Variants in ZNF438 observed in about 807,000 individuals in gnomAD.
ZNF438 encodes zinc finger protein 438.
In ZNF438, 25 loss-of-function variants were observed where a neutral mutation model predicts 38.0. The observed-to-expected ratio is 0.66, with a 90% CI of 0.48 to 0.92. The LOEUF (loss-of-function observed/expected upper bound fraction) is 0.92, where lower values mean the gene tolerates loss of function less well. ZNF438 is among the 40% of genes least tolerant of loss of function. The pLI is 0.00. For synonymous variants in ZNF438, 372 were observed against 364.1 expected (o/e 1.02, Z -0.25); for missense variants, 1,007 against 999.6 (o/e 1.01, Z -0.10).
chr10:30,963,119 G>A (rs532615379), intron 1 of ZNF438, among the ~76,000 whole-genome samples: 6 of 152,150 alleles, frequency 3.9e-5, no homozygotes, highest in Admixed American at 6.5e-5. Flanking sequence ...GAGGTTGGCC[G>A]GGCACAGTGG....
intron 1 of ZNF438, among the ~76,000 whole-genome samples, chr10:30,971,745 T>C (rs1472311164): frequency 6.6e-6 from 1 of 152,182 alleles, no homozygotes; most frequent in Non-Finnish European, 1.5e-5. Flanking sequence ...TAATCTTCTT[T>C]ATGATATTCC....
At chr10:30,983,134 A>G (rs1404102646) in intron 1 of ZNF438, among the ~76,000 whole-genome samples, 2 of 152,240 alleles carry the variant, frequency 1.3e-5, no homozygotes, top group African/African-American at 4.8e-5. Flanking sequence ...GGAATAACAG[A>G]AAAAGTTACA....
At chr10:30,996,826 G>T (rs1329878609) in intron 1 of ZNF438, among the ~76,000 whole-genome samples, 1 of 152,060 alleles carries the variant, frequency 6.6e-6, no homozygotes, top group African/African-American at 2.4e-5. Flanking sequence ...AATTTAAAGA[G>T]ATTAATCACA....
At chr10:30,882,191 A>G (rs543996287) in intron 3 of ZNF438, among the ~76,000 whole-genome samples, 133 of 152,308 alleles carry the variant, frequency 8.7e-4, no homozygotes, top group Non-Finnish European at 1.6e-3. Flanking sequence ...AAAACTCTCA[A>G]AACTAAATAA....
chr10:30,903,213 C>T (rs534246249), intron 3 of ZNF438, among the ~76,000 whole-genome samples: 1 of 152,344 alleles, frequency 6.6e-6, no homozygotes, highest in East Asian at 1.9e-4. Flanking sequence ...AGGGAGCCGG[C>T]TCCGGACTCA....
At chr10:30,980,741 A>G (rs991331242) in intron 1 of ZNF438, among the ~76,000 whole-genome samples, 50 of 151,144 alleles carry the variant, frequency 3.3e-4, no homozygotes, top group African/African-American at 1.0e-3. Flanking sequence ...AAATAAATAC[A>G]GAAGGCTAAG....
In ZNF438 at chr10:30,915,382, A is replaced by C. The variant is rs952829954; in HGVS notation, c.-114-6367T>G. Among the ~76,000 whole-genome samples, 6 of 152,068 alleles carry C rather than the reference A, an allele frequency of 3.9e-5. No homozygotes were observed. The East Asian group carries it at 1.2e-3, about 29-fold the overall frequency. ...ATAAATGAAGCAATAAGGCTTTGGA[A>C]TTGCAATTGTGTATATTTAGGTACT... On this transcript the variant is annotated intron_variant, in intron 2 of 5. Coordinates refer to ENST00000413025, the Ensembl canonical transcript of ZNF438.
chr10:30,998,283 G>A (rs2132715771), intron 1 of ZNF438, among the ~76,000 whole-genome samples: 1 of 152,142 alleles, frequency 6.6e-6, no homozygotes, highest in Admixed American at 6.5e-5. Context: ...GCTCATGCCT[G>A]TAATCCTAGC....
At chr10:30,896,627 A>ATCG (rs1460432919) in intron 3 of ZNF438, among the ~76,000 whole-genome samples, 1 of 152,076 alleles carries the variant, frequency 6.6e-6, no homozygotes, top group Non-Finnish European at 1.5e-5. Flanking sequence ...AGACAGCAGA[A>ATCG]TAGTGGTTTC....
In ZNF438 at chr10:30,960,885, T is replaced by A. The variant is rs111341102; in HGVS notation, c.-191-19234A>T. Among the ~76,000 whole-genome samples the A allele has an allele frequency of 7.1e-3, 1,037 of 146,734 alleles. 134 individuals carry two copies. Among genetic ancestry groups the A allele is most frequent in the Non-Finnish European group, 0.012 (806 of 64,662 alleles). ...TTTTAAGATTTCAACCATTAACGTA[T>A]TCCCCTAGGATTGACTGTAAAATTA... On this transcript the variant is annotated intron_variant, in intron 1 of 5. Coordinates refer to ENST00000413025, the Ensembl canonical transcript of ZNF438.
chr10:31,020,827 C>T (rs1209148598), intron 1 of ZNF438, among the ~76,000 whole-genome samples: 1 of 151,450 alleles, frequency 6.6e-6, no homozygotes, highest in Non-Finnish European at 1.5e-5. Flanking sequence ...TCACACTAGG[C>T]TAAGATTAAC....
intron 1 of ZNF438, among the ~76,000 whole-genome samples, chr10:31,002,123 T>C (rs146886545): frequency 6.8e-4 from 103 of 152,316 alleles, no homozygotes; most frequent in Non-Finnish European, 1.2e-3. Flanking sequence ...ACTGAATGGG[T>C]CCATTTCCTT....
At chr10:30,947,568 C>G (rs537799744) in intron 1 of ZNF438, among the ~76,000 whole-genome samples, 1 of 152,260 alleles carries the variant, frequency 6.6e-6, no homozygotes, top group African/African-American at 2.4e-5. Flanking sequence ...TGGAGCTTCC[C>G]GGCTGCTTTG....
At chr10:30,978,022 G>C (rs558801007) in intron 1 of ZNF438, among the ~76,000 whole-genome samples, 1 of 151,780 alleles carries the variant, frequency 6.6e-6, no homozygotes, top group African/African-American at 2.4e-5. Context: ...TGGTATGTTG[G>C]TATGTCTTCT....
chr10:30,940,664 G>A lies in ZNF438; in HGVS notation c.-115+911C>T, dbSNP rs535780726. ...AGAGGGAGTTGGAAGCCATTAAAGCGTTTTAAAATTACTAAAAGTGGTTCT... is the reference window on the plus strand; with the variant it reads ...AGAGGGAGTTGGAAGCCATTAAAGCATTTTAAAATTACTAAAAGTGGTTCT... On this transcript the variant is annotated intron_variant, in intron 2 of 5. Transcript: ENST00000413025. 9.5e-4 allele frequency among the ~76,000 whole-genome samples: 145 copies of A among 152,276 alleles called. 1 individual carries two copies. The highest frequency in any genetic ancestry group is 2.1e-3 in the African/African-American group (88 of 41,548).
At chr10:30,851,230 G>A (rs2033570734) in intron 4 of ZNF438, among the ~76,000 whole-genome samples, 1 of 152,202 alleles carries the variant, frequency 6.6e-6, no homozygotes, top group South Asian at 2.1e-4. Context: ...GACTGATAGG[G>A]TAACACTTCA....
At chr10:30,866,666 C>T (rs2036478164) in intron 4 of ZNF438, among the ~76,000 whole-genome samples, 1 of 152,062 alleles carries the variant, frequency 6.6e-6, no homozygotes, top group Non-Finnish European at 1.5e-5. Flanking sequence ...AACCCCTCCT[C>T]TACTAAAAAT....
chr10:30,946,833 T>C (rs1344360132), intron 1 of ZNF438, among the ~76,000 whole-genome samples: 1 of 152,224 alleles, frequency 6.6e-6, no homozygotes, highest in Non-Finnish European at 1.5e-5. Context: ...TGAATACTTT[T>C]TAGTTTTCCA....
intron 4 of ZNF438, among the ~76,000 whole-genome samples, chr10:30,874,149 T>C (rs887730021): frequency 0.017 from 1,568 of 90,452 alleles, 58 homozygotes; most frequent in African/African-American, 0.067. Flanking sequence ...TATATATATA[T>C]ATATATATAT....
Sources: allele counts gnomAD v4.1 joint callset (sites outside exome capture counted in the v4.1 genomes callset), GRCh38; gene constraint gnomAD v4.1.1; transcripts MANE v1.5; gene names NCBI Gene and HGNC (gene_info 2026-07-23, HGNC 2026-07-21).